RAD51B: variants seen among roughly 807,000 people sequenced by gnomAD.
The protein encoded by RAD51B is RAD51 paralog B.
In RAD51B, 38 loss-of-function variants were observed where a neutral mutation model predicts 42.2. That is an observed-to-expected ratio of 0.90 (90% confidence interval 0.70 to 1.18). The LOEUF is 1.18. RAD51B is among the 50% of genes most tolerant of loss of function. RAD51B has a pLI of 0.00. For synonymous variants in RAD51B, 154 were observed against 145.2 expected (o/e 1.06, Z -0.43); for missense variants, 373 against 400.7 (o/e 0.93, Z 0.59).
intron 7 of RAD51B, among the ~76,000 whole-genome samples, chr14:67,983,419 T>A (rs568033610): frequency 6.6e-6 from 1 of 152,344 alleles, no homozygotes; most frequent in Admixed American, 6.5e-5. Flanking sequence ...GGCCTTTTTA[T>A]GTCAATATCA....
intron 7 of RAD51B, among the ~76,000 whole-genome samples, chr14:68,120,673 C>T (rs1030947696): frequency 6.6e-6 from 1 of 151,988 alleles, no homozygotes; most frequent in Non-Finnish European, 1.5e-5. Context: ...GGGTGTCACC[C>T]TTTGGGAGCC....
At chr14:68,592,253 ATGTGTGTGTG>A (rs55833641) in intron 10 of RAD51B, among the ~76,000 whole-genome samples, 4 of 140,066 alleles carry the variant, frequency 2.9e-5, no homozygotes, top group Non-Finnish European at 1.5e-5. Context: ...GTAGGCAATG[ATGTGTGTGTG>A]TGTGTGTGTG....
At chr14:67,823,447 A>G in intron 1 of RAD51B, 95 bp from the exon 2 acceptor site, 1 of 969,060 alleles carries the variant, frequency 1.0e-6, no homozygotes, top group Non-Finnish European at 1.5e-6. Context: ...AACTTGAGGA[A>G]TTTTTAATTT....
intron 10 of RAD51B, among the ~76,000 whole-genome samples, chr14:68,571,793 T>C (rs922373870): frequency 3.3e-5 from 2 of 60,976 alleles, no homozygotes; most frequent in African/African-American, 1.2e-4. Context: ...TGGTGTTGGA[T>C]GGCTGTTTTT....
chr14:67,830,143 T>A (rs544990820), intron 3 of RAD51B, among the ~76,000 whole-genome samples: 3 of 152,234 alleles, frequency 2.0e-5, no homozygotes, highest in African/African-American at 7.2e-5. Flanking sequence ...GCCAGAGAAG[T>A]AAGCAGGAGT....
intron 7 of RAD51B, among the ~76,000 whole-genome samples, chr14:68,079,167 A>T (rs915877414): frequency 6.6e-6 from 1 of 152,124 alleles, no homozygotes; most frequent in East Asian, 1.9e-4. Flanking sequence ...CAAAATAATC[A>T]TTCTCTTTTT....
At chr14:68,418,974 T>G (rs966641637) in intron 9 of RAD51B, among the ~76,000 whole-genome samples, 2 of 152,222 alleles carry the variant, frequency 1.3e-5, no homozygotes, top group South Asian at 4.1e-4. Flanking sequence ...AGAGATCATC[T>G]TCTCCAGTGA....
intron 7 of RAD51B, among the ~76,000 whole-genome samples, chr14:68,049,437 C>T (rs1053010644): frequency 3.3e-5 from 5 of 152,110 alleles, no homozygotes; most frequent in African/African-American, 1.2e-4. Flanking sequence ...CTGTTCGAGA[C>T]CCTGGGCCAG....
At chr14:68,367,327 C>A (rs1340874464) in intron 8 of RAD51B, among the ~76,000 whole-genome samples, 1 of 152,164 alleles carries the variant, frequency 6.6e-6, no homozygotes, top group African/African-American at 2.4e-5. Flanking sequence ...TTACATGTAT[C>A]ATTGAGTGTG....
intron 7 of RAD51B, among the ~76,000 whole-genome samples, chr14:68,034,692 T>A (rs1159599369): frequency 1.3e-5 from 2 of 152,182 alleles, no homozygotes; most frequent in African/African-American, 4.8e-5. Flanking sequence ...GTTCATCATT[T>A]CAGGCAGATA....
chr14:68,530,042 C>G (rs190986761), intron 10 of RAD51B, among the ~76,000 whole-genome samples: 2 of 152,080 alleles, frequency 1.3e-5, no homozygotes, highest in Admixed American at 1.3e-4. Context: ...GCCACCAAAA[C>G]GTAGTGCAAG....
chr14:68,139,784 G>T (rs2078088864), intron 7 of RAD51B, among the ~76,000 whole-genome samples: 1 of 152,198 alleles, frequency 6.6e-6, no homozygotes, highest in Non-Finnish European at 1.5e-5. Flanking sequence ...ATTGGCACTG[G>T]CCCTGATAGT....
intron 7 of RAD51B, among the ~76,000 whole-genome samples, chr14:67,996,804 A>G (rs1462687691): frequency 6.6e-6 from 1 of 152,204 alleles, no homozygotes; most frequent in Non-Finnish European, 1.5e-5. Flanking sequence ...CAAGGGATGA[A>G]TTAGACAAGC....
intron 8 of RAD51B, among the ~76,000 whole-genome samples, chr14:68,316,799 A>T (rs2139749357): frequency 6.6e-6 from 1 of 152,270 alleles, no homozygotes; most frequent in Non-Finnish European, 1.5e-5. Flanking sequence ...TCTGTTGATG[A>T]CTAGTCGAAG....
At chr14:68,490,321 A>G (rs144962564) in intron 10 of RAD51B, among the ~76,000 whole-genome samples, 76 of 152,364 alleles carry the variant, frequency 5.0e-4, no homozygotes, top group African/African-American at 1.8e-3. Flanking sequence ...GAGACTTTCA[A>G]TGTGGAAATG....
At position 67,893,505 on chromosome 14, in the gene RAD51B, CACACAAAA is replaced by C. The variant is rs1286877060; in HGVS notation, c.756+6303_756+6310del. ...ACACACACACACACACACACACACA[CACACAAAA>C]AAAAACAATTAGCTGGGTGTGGTGC... On this transcript the variant is annotated intron_variant, in intron 7 of 10. Coordinates refer to ENST00000471583, the MANE Select transcript of RAD51B (RefSeq NM_133510.4). 6.5e-3 allele frequency among the ~76,000 whole-genome samples: 650 copies of C among 100,202 alleles called. 28 individuals carry two copies. The highest frequency in any genetic ancestry group is 0.03 in the African/African-American group (597 of 20,204). The allele number at this position is 100,202 out of a possible 152,430, so 65.7% of individuals were successfully genotyped here.
At chr14:68,309,936 T>C (rs2081936415) in intron 8 of RAD51B, among the ~76,000 whole-genome samples, 1 of 152,190 alleles carries the variant, frequency 6.6e-6, no homozygotes. Flanking sequence ...ATATATGGAA[T>C]ATTCTTAGAC....
intron 8 of RAD51B, among the ~76,000 whole-genome samples, chr14:68,391,949 G>T (rs927086169): frequency 2.0e-5 from 3 of 152,106 alleles, no homozygotes; most frequent in African/African-American, 7.2e-5. Context: ...ATAAATGTTG[G>T]TTTTACTAAA....
intron 7 of RAD51B, among the ~76,000 whole-genome samples, chr14:67,949,512 A>G (rs1328168045): frequency 6.6e-6 from 1 of 152,182 alleles, no homozygotes; most frequent in Non-Finnish European, 1.5e-5. Context: ...TATCACATCT[A>G]CAGTTATTTC....
Sources: gnomAD v4.1 joint callset for allele counts (sites outside exome capture counted in the v4.1 genomes callset) on GRCh38, gnomAD v4.1.1 for gene constraint, MANE v1.5 for transcripts, NCBI Gene and HGNC (gene_info 2026-07-23, HGNC 2026-07-21) for gene names.